Variants in WDR76 observed in about 807,000 individuals in gnomAD.
WDR76 encodes the protein WD repeat-containing protein 76.
WDR76 carries 52 observed loss-of-function variants against 70.2 expected under a neutral mutation model. The observed-to-expected ratio is 0.74, with a 90% CI of 0.59 to 0.93. WDR76 has a LOEUF of 0.93. WDR76 is among the 40% of genes least tolerant of loss of function. The pLI is 0.00. For missense variants in WDR76, 756 were observed against 760.2 expected (o/e 0.99, Z 0.07); for synonymous variants, 292 against 271.1 (o/e 1.08, Z -0.76).
intron 7 of WDR76, among the ~76,000 whole-genome samples, chr15:43,843,649 C>T (rs1258501941): frequency 6.6e-6 from 1 of 152,020 alleles, no homozygotes; most frequent in Non-Finnish European, 1.5e-5. Flanking sequence ...TATGAACTTA[C>T]TCTTCCACTA....
chr15:43,861,306 G>T (rs764621640), intron 11 of WDR76, 27 bp from the exon 12 acceptor site: 1 of 1,599,262 alleles, frequency 6.3e-7, no homozygotes, highest in East Asian at 2.2e-5. Context: ...AGTAACAAAA[G>T]AATGTCTTAC....
At chr15:43,844,257 A>G (rs747261942) in intron 8 of WDR76, among the ~76,000 whole-genome samples, 11 of 152,212 alleles carry the variant, frequency 7.2e-5, no homozygotes, top group Non-Finnish European at 1.3e-4. Flanking sequence ...CTTGAATATC[A>G]TTAACCATCT....
chr15:43,840,750 A>AG (rs1156702331), intron 5 of WDR76, among the ~76,000 whole-genome samples: 1 of 151,998 alleles, frequency 6.6e-6, no homozygotes, highest in Non-Finnish European at 1.5e-5. Context: ...AGGCTGAGGC[A>AG]GGAGGATCGC....
intron 2 of WDR76, among the ~76,000 whole-genome samples, chr15:43,834,263 C>T (rs967440903): frequency 4.7e-5 from 7 of 149,472 alleles, no homozygotes; most frequent in Non-Finnish European, 8.9e-5. Flanking sequence ...CACTCTACTG[C>T]GTTTAAGGGA....
Position 43,868,406 on chromosome 15 carries a change from A to G in WDR76, c.*2014A>G, listed in dbSNP as rs954127681. The G allele has an allele frequency of 2.6e-5, 4 of 152,222 alleles. No individual in the cohort carries two copies. Among genetic ancestry groups the G allele is most frequent in the Non-Finnish European group, 4.4e-5 (3 of 68,032 alleles). 9.4% of individuals were successfully genotyped at this position (152,222 alleles called of 1,614,324 possible). On this transcript the variant is annotated 3_prime_UTR_variant, in exon 13 of 13. Coordinates refer to ENST00000263795, the MANE Select transcript of WDR76 (RefSeq NM_024908.4). ...CTGGGCTCGTCAATAAATGTTAGCA[A>G]ATTCTTGATGTTCCTCACTTTTGTG...
chr15:43,858,849 T>C (rs2087962932), intron 11 of WDR76, 26 bp downstream of exon 11: 1 of 1,609,304 alleles, frequency 6.2e-7, no homozygotes, highest in Non-Finnish European at 8.5e-7. Flanking sequence ...AGAAATGTTT[T>C]TAGGGAATCT....
intron 4 of WDR76, among the ~76,000 whole-genome samples, chr15:43,838,222 G>A (rs771586632): frequency 1.3e-5 from 2 of 151,878 alleles, no homozygotes; most frequent in African/African-American, 2.4e-5. Context: ...GTCTTGCTCT[G>A]TTGCCCAGGC....
At chr15:43,848,612 C>T (rs537857813) in intron 8 of WDR76, among the ~76,000 whole-genome samples, 1 of 152,242 alleles carries the variant, frequency 6.6e-6, no homozygotes, top group South Asian at 2.1e-4. Flanking sequence ...CACCCTCCAC[C>T]GCCATACAAG....
At chr15:43,843,018 T>C (rs969877181) in intron 7 of WDR76, among the ~76,000 whole-genome samples, 8 of 147,328 alleles carry the variant, frequency 5.4e-5, no homozygotes, top group East Asian at 1.9e-4. Context: ...TTTTTCTTTT[T>C]TTTTTTTTTT....
rs1010058185 is a variant in WDR76, at chr15:43,866,524, C to T, written c.*132C>T. On this transcript the variant is annotated 3_prime_UTR_variant, in exon 13 of 13. Transcript: ENST00000263795. ...TTATAACATTGTTTTATTAATAAGA[C>T]TATAAGAAGAGTGTACTTTTAGTAA... The T allele has an allele frequency of 9.3e-7, 1 of 1,071,928 alleles. No individual in the cohort carries two copies. Among genetic ancestry groups the T allele is most frequent in the Non-Finnish European group, 1.3e-6 (1 of 755,256 alleles). The allele number at this position is 1,071,928 out of a possible 1,614,324, so 66.4% of individuals were successfully genotyped here.
intron 10 of WDR76, chr15:43,858,454 G>C: frequency 4.1e-6 from 2 of 486,150 alleles, no homozygotes; most frequent in Non-Finnish European, 7.2e-6. Flanking sequence ...TCTCCATGTT[G>C]AGGCTGGTTT....
chr15:43,844,117 T>C, intron 8 of WDR76, 63 bp downstream of exon 8: 3 of 1,520,112 alleles, frequency 2.0e-6, no homozygotes, highest in Non-Finnish European at 2.7e-6. Context: ...TGGAAGAGAA[T>C]AGGCTAGAGC....
At position 43,843,013 on chromosome 15, in the gene WDR76, C is replaced by CTTTTTTTT. The variant is rs370773260; in HGVS notation, c.878+356_878+363dup. ...TTTTGCATTACACTTTTTTCTTTTTCTTTTTTTTTTTTTTTTTTTTTGTTT... is the reference window on the plus strand; with the variant it reads ...TTTTGCATTACACTTTTTTCTTTTTCTTTTTTTTTTTTTTTTTTTTTTTTTTTTTGTTT... On this transcript the variant is annotated intron_variant, in intron 7 of 12. Coordinates refer to ENST00000263795, the MANE Select transcript of WDR76 (RefSeq NM_024908.4). 6.2e-3 allele frequency among the ~76,000 whole-genome samples: 740 copies of CTTTTTTTT among 119,876 alleles called. 1 individual carries two copies. Among genetic ancestry groups the CTTTTTTTT allele is most frequent in the East Asian group, 7.5e-3 (30 of 4,024 alleles). The allele number at this position is 119,876 out of a possible 152,430, so 78.6% of individuals were successfully genotyped here.
chr15:43,865,263 T>G (rs2088056151), intron 12 of WDR76, among the ~76,000 whole-genome samples: 3 of 151,680 alleles, frequency 2.0e-5, no homozygotes, highest in Admixed American at 1.3e-4. Flanking sequence ...GCCTGGCTAC[T>G]TTTTGTATTT....
At chr15:43,855,006 T>G (rs80212092) in intron 9 of WDR76, among the ~76,000 whole-genome samples, 2 of 152,100 alleles carry the variant, frequency 1.3e-5, no homozygotes, top group South Asian at 4.1e-4. Flanking sequence ...CATGACCTTT[T>G]GTAGTCATTC....
At chr15:43,864,601 T>C (rs541424823) in intron 12 of WDR76, among the ~76,000 whole-genome samples, 1 of 145,842 alleles carries the variant, frequency 6.9e-6, no homozygotes, top group African/African-American at 2.5e-5. Flanking sequence ...ATTTGTTTTC[T>C]TTTTTTTTTT....
chr15:43,835,276 G>C (rs1021609762), intron 3 of WDR76, 126 bp downstream of exon 3: 9 of 754,654 alleles, frequency 1.2e-5, no homozygotes, highest in Non-Finnish European at 1.7e-5. Flanking sequence ...AGATCAGCCT[G>C]GGTAACATAC....
At chr15:43,833,088 G>C (rs959537114) in intron 2 of WDR76, among the ~76,000 whole-genome samples, 1 of 151,788 alleles carries the variant, frequency 6.6e-6, no homozygotes, top group African/African-American at 2.4e-5. Flanking sequence ...GCATCCAAAG[G>C]CTGCATACTC....
At chr15:43,848,758 G>C (rs1331003018) in intron 8 of WDR76, among the ~76,000 whole-genome samples, 1 of 152,086 alleles carries the variant, frequency 6.6e-6, no homozygotes, top group Non-Finnish European at 1.5e-5. Context: ...GACTAACATG[G>C]TGAAACCCTG....
Sources: gnomAD v4.1 joint callset for allele counts (sites outside exome capture counted in the v4.1 genomes callset) on GRCh38, gnomAD v4.1.1 for gene constraint, MANE v1.5 for transcripts, NCBI Gene and HGNC (gene_info 2026-07-23, HGNC 2026-07-21) for gene names.